The following GLIS1 variants were observed in gnomAD, a reference collection of about 807,000 sequenced individuals.
The protein encoded by GLIS1 is GLIS family zinc finger 1.
A neutral mutation model predicts 63.8 loss-of-function variants in GLIS1; 24 were observed. The observed-to-expected ratio is 0.38, with a 90% CI of 0.27 to 0.53. The LOEUF (loss-of-function observed/expected upper bound fraction) is 0.53. Ranked by LOEUF, GLIS1 falls within the 20% of genes least tolerant of loss-of-function variation. The pLI, the probability that GLIS1 is intolerant of heterozygous loss-of-function variation, is 0.85. For synonymous variants in GLIS1, 450 were observed against 482.5 expected (o/e 0.93, Z 0.88); for missense variants, 1,036 against 1,074.1 (o/e 0.96, Z 0.50).
At chr1:53,596,387 T>G (rs1239499164) in intron 3 of GLIS1, among the ~76,000 whole-genome samples, 1 of 152,250 alleles carries the variant, frequency 6.6e-6, no homozygotes. Context: ...GACACCCCCC[T>G]GGCTGGCTAG....
chr1:53,608,906 T>C (rs1366634276), intron 2 of GLIS1, among the ~76,000 whole-genome samples: 4 of 152,196 alleles, frequency 2.6e-5, no homozygotes, highest in African/African-American at 9.6e-5. Flanking sequence ...CCCCCCTGCA[T>C]GTGAATGAGG....
At chr1:53,680,531 C>T (rs962392688) in intron 2 of GLIS1, among the ~76,000 whole-genome samples, 7 of 152,222 alleles carry the variant, frequency 4.6e-5, no homozygotes, top group African/African-American at 1.7e-4. Flanking sequence ...AATAAAGCCC[C>T]TCACCTTGAC....
chr1:53,688,415 G>C (rs565088373), intron 2 of GLIS1, among the ~76,000 whole-genome samples: 1 of 152,286 alleles, frequency 6.6e-6, no homozygotes, highest in East Asian at 1.9e-4. Flanking sequence ...CCGAGCCAGG[G>C]ACTAGGGACT....
intron 2 of GLIS1, among the ~76,000 whole-genome samples, chr1:53,727,225 C>T (rs1317354213): frequency 4.6e-5 from 7 of 152,220 alleles, no homozygotes; most frequent in Non-Finnish European, 1.0e-4. Flanking sequence ...CCAAAGGGGG[C>T]TTGAATGAAT....
At chr1:53,651,288 A>C (rs1645904294) in intron 2 of GLIS1, among the ~76,000 whole-genome samples, 1 of 152,234 alleles carries the variant, frequency 6.6e-6, no homozygotes, top group African/African-American at 2.4e-5. Context: ...TCGCATTTTA[A>C]AATTAATTCA....
At chr1:53,522,920 T>C (rs889880883) in intron 6 of GLIS1, among the ~76,000 whole-genome samples, 15 of 151,742 alleles carry the variant, frequency 9.9e-5, no homozygotes, top group African/African-American at 3.6e-4. Context: ...TTTCTAAAAA[T>C]AAAATAAAAT....
At chr1:53,577,104 C>A (rs983480990) in intron 4 of GLIS1, among the ~76,000 whole-genome samples, 1 of 151,568 alleles carries the variant, frequency 6.6e-6, no homozygotes, top group Admixed American at 6.6e-5. Flanking sequence ...TCTAGCCCCC[C>A]ATCTCACAGG....
intron 2 of GLIS1, among the ~76,000 whole-genome samples, chr1:53,626,511 C>T (rs1645595618): frequency 6.6e-6 from 1 of 152,238 alleles, no homozygotes. Flanking sequence ...AGAAGTCTCA[C>T]AATCATACCA....
At chr1:53,588,874 A>G (rs74084756) in intron 4 of GLIS1, among the ~76,000 whole-genome samples, 3,108 of 152,284 alleles carry the variant, frequency 0.02, 65 homozygotes, top group African/African-American at 0.044. Context: ...AGAAACATAC[A>G]GTTTCTTCTT....
At chr1:53,549,743 G>A (rs1384539753) in intron 4 of GLIS1, among the ~76,000 whole-genome samples, 1 of 152,294 alleles carries the variant, frequency 6.6e-6, no homozygotes, top group South Asian at 2.1e-4. Flanking sequence ...CATTTCTTGG[G>A]TACTTCCAAT....
intron 2 of GLIS1, among the ~76,000 whole-genome samples, chr1:53,602,556 G>A (rs1479862151): frequency 6.6e-6 from 1 of 152,128 alleles, no homozygotes; most frequent in Non-Finnish European, 1.5e-5. Flanking sequence ...GAGGCTGTGT[G>A]CAGTGAAGGA....
At chr1:53,633,967 T>C (rs755978243) in intron 2 of GLIS1, among the ~76,000 whole-genome samples, 4 of 152,174 alleles carry the variant, frequency 2.6e-5, no homozygotes, top group Non-Finnish European at 4.4e-5. Context: ...GTGGGTGAAG[T>C]AGCTGGATTC....
Position 53,606,861 on chromosome 1 carries a change from T to C in GLIS1, c.260-6583A>G, listed in dbSNP as rs1448938291. ...GCAAGAATCCCATAAATTCCCCCTT[T>C]AAAGCTAAGCTAGACTTACGGGGAC... On this transcript the variant is annotated intron_variant, in intron 2 of 10. Transcript: ENST00000628545. 3.3e-5 allele frequency among the ~76,000 whole-genome samples: 5 copies of C among 152,184 alleles called. No individual in the cohort carries two copies. The East Asian group carries it at 9.6e-4, about 29-fold the overall frequency.
intron 4 of GLIS1, among the ~76,000 whole-genome samples, chr1:53,576,093 T>C (rs2177955): frequency 0.83 from 126,501 of 151,610 alleles, 55,498 homozygotes; most frequent in Non-Finnish European, 0.98. Flanking sequence ...TTCCTACCCG[T>C]CCCCCTCACC....
rs186992198 is a variant in GLIS1 at position 53,539,097 on chromosome 1, C to A, written c.1321-9145G>T. Among the ~76,000 whole-genome samples, 13 of 151,992 alleles carry A rather than the reference C, an allele frequency of 8.6e-5. No homozygotes were observed. Among genetic ancestry groups the A allele is most frequent in the Non-Finnish European group, 1.5e-5 (1 of 67,986 alleles). ...CCAGGGCTCCGCAGAGAGCACACAG[C>A]ATAGAATGGCTGACACATGTACACC... On this transcript the variant is annotated intron_variant, in intron 4 of 10. Transcript: ENST00000628545. This position sits in a 1 kb window ranked among gnomAD's most constrained non-coding sequence, Gnocchi z 5.0.
At chr1:53,720,973 G>A (rs1478508459) in intron 2 of GLIS1, among the ~76,000 whole-genome samples, 1 of 151,850 alleles carries the variant, frequency 6.6e-6, no homozygotes, top group African/African-American at 2.4e-5. Flanking sequence ...ACTCTAGCCT[G>A]GGTGACAGAA....
intron 3 of GLIS1, among the ~76,000 whole-genome samples, chr1:53,597,633 A>G (rs922395191): frequency 6.6e-6 from 1 of 151,980 alleles, no homozygotes; most frequent in Admixed American, 6.6e-5. Context: ...GAGAGTGGAG[A>G]GAAGGGGCCC....
At chr1:53,705,024 G>GC (rs964952893) in intron 2 of GLIS1, among the ~76,000 whole-genome samples, 6 of 152,198 alleles carry the variant, frequency 3.9e-5, no homozygotes, top group Non-Finnish European at 8.8e-5. Context: ...ATTCACACCT[G>GC]CCCCCAACAC....
intron 2 of GLIS1, among the ~76,000 whole-genome samples, chr1:53,638,845 C>T (rs1432087658): frequency 1.3e-5 from 2 of 152,162 alleles, no homozygotes; most frequent in Non-Finnish European, 2.9e-5. Flanking sequence ...GACCAGGAGG[C>T]AAGTCATAGC....
Sources: allele counts gnomAD v4.1 joint callset (sites outside exome capture counted in the v4.1 genomes callset), GRCh38; gene constraint gnomAD v4.1.1; non-coding constraint Gnocchi (gnomAD v3.1); transcripts MANE v1.5; gene names NCBI Gene and HGNC (gene_info 2026-07-23, HGNC 2026-07-21).